Variants in CDKL3 observed in about 807,000 individuals in gnomAD.
CDKL3 encodes cyclin-dependent kinase-like 3.
CDKL3 carries 65 observed loss-of-function variants against 69.3 expected under a neutral mutation model. The ratio of observed to expected loss-of-function variants is 0.94; its 90% CI spans 0.77 to 1.15. The LOEUF (loss-of-function observed/expected upper bound fraction) is 1.15. Ranked by LOEUF, CDKL3 falls within the 50% of genes most tolerant of loss-of-function variation. The pLI, the probability that CDKL3 is intolerant of heterozygous loss-of-function variation, is 0.00. For synonymous variants in CDKL3, 202 were observed against 221.6 expected (o/e 0.91, Z 0.79); for missense variants, 652 against 689.2 (o/e 0.95, Z 0.61).
At chr5:134,315,507 C>T (rs1184151738) in intron 6 of CDKL3, among the ~76,000 whole-genome samples, 1 of 151,946 alleles carries the variant, frequency 6.6e-6, no homozygotes, top group Admixed American at 6.6e-5. Context: ...TTTAGAGACC[C>T]TTTTGTTTAG....
chr5:134,332,210 T>C (rs1348950515), intron 4 of CDKL3, among the ~76,000 whole-genome samples: 8 of 152,214 alleles, frequency 5.3e-5, no homozygotes, highest in Non-Finnish European at 1.2e-4. Flanking sequence ...GTCAGATAGA[T>C]AGATTGCAAA....
chr5:134,350,207 A>G (rs1752924166), intron 4 of CDKL3, 42 bp downstream of exon 4: 2 of 1,428,196 alleles, frequency 1.4e-6, no homozygotes, highest in African/African-American at 1.5e-5. Context: ...ACAAAAAAAG[A>G]GATACCTAGG....
intron 8 of CDKL3, among the ~76,000 whole-genome samples, chr5:134,291,397 G>C (rs1765117151): frequency 1.3e-5 from 2 of 152,212 alleles, no homozygotes; most frequent in East Asian, 3.8e-4. Flanking sequence ...GGTCTAAGAA[G>C]TGAACCCAAA....
chr5:134,308,627 C>T lies in CDKL3; in HGVS notation c.982G>A (p.Glu328Lys), dbSNP rs1435638140. ...SSKENELRKD[E>K]RKTVYTNTLL... ...GTATTGGTATAAACTGTTTTTCTTT[C>T]ATCTTTCCTGAGTTCATTTTCTTTA... The change falls in exon 8 of 13, where the codon GAA (glutamate) becomes AAA (lysine). Residue 328 changes from glutamate to lysine, a missense_variant. Glu to Lys is a moderately conservative substitution (Grantham distance 56). Coordinates refer to ENST00000265334, the MANE Select transcript of CDKL3 (RefSeq NM_001113575.2). 6.2e-7 allele frequency: 1 copy of T among 1,607,526 alleles called. No homozygotes were observed. The highest frequency in any genetic ancestry group is 8.5e-7 in the Non-Finnish European group (1 of 1,178,364).
At chr5:134,344,233 T>C (rs1009631064) in intron 4 of CDKL3, among the ~76,000 whole-genome samples, 1 of 152,174 alleles carries the variant, frequency 6.6e-6, no homozygotes, top group African/African-American at 2.4e-5. Flanking sequence ...TAACCCTGGA[T>C]TTGGCAAACA....
intron 4 of CDKL3, among the ~76,000 whole-genome samples, chr5:134,340,319 G>A (rs1244414026): frequency 2.0e-5 from 3 of 152,030 alleles, no homozygotes; most frequent in Non-Finnish European, 4.4e-5. Context: ...TAAGACACTG[G>A]AAAAAGAAGG....
At chr5:134,361,526 G>A (rs554190457) in intron 2 of CDKL3, among the ~76,000 whole-genome samples, 1 of 152,296 alleles carries the variant, frequency 6.6e-6, no homozygotes, top group East Asian at 1.9e-4. Flanking sequence ...TATAACACCA[G>A]ATTCCTTTCC....
At chr5:134,367,257 G>T (rs760293290), upstream of CDKL3, 225 of 985,268 alleles carry the variant, frequency 2.3e-4, no homozygotes, top group Non-Finnish European at 2.5e-4. Context: ...CTGGGTAGGC[G>T]CAAGGTGGAA....
chr5:134,368,020 C>T (rs553962025), upstream of CDKL3, among the ~76,000 whole-genome samples: 20 of 152,192 alleles, frequency 1.3e-4, no homozygotes, highest in East Asian at 3.7e-3. Context: ...TGTAAAAAAG[C>T]GAAATCTCGC....
intron 3 of CDKL3, among the ~76,000 whole-genome samples, chr5:134,356,728 G>A (rs1754703644): frequency 6.6e-6 from 1 of 152,078 alleles, no homozygotes; most frequent in Non-Finnish European, 1.5e-5. Context: ...AGGTTGCAGT[G>A]AACCAAGATC....
chr5:134,362,248 G>A (rs1225898252), intron 2 of CDKL3, among the ~76,000 whole-genome samples: 1 of 152,064 alleles, frequency 6.6e-6, no homozygotes, highest in African/African-American at 2.4e-5. Flanking sequence ...GGGTCAGGCC[G>A]GTGGCTCACT....
At chr5:134,291,755 C>T (rs1180730995) in intron 8 of CDKL3, among the ~76,000 whole-genome samples, 1 of 147,040 alleles carries the variant, frequency 6.8e-6, no homozygotes, top group Non-Finnish European at 1.5e-5. Flanking sequence ...GCCTGGGTGA[C>T]AGAGCAAGAC....
intron 2 of CDKL3, among the ~76,000 whole-genome samples, 187 bp from the exon 3 acceptor site, chr5:134,360,278 C>T (rs1282973459): frequency 6.6e-6 from 1 of 152,122 alleles, no homozygotes; most frequent in African/African-American, 2.4e-5. Context: ...AATCTTGGCT[C>T]AGTGCAACCT....
intron 2 of CDKL3, 101 bp downstream of exon 2, chr5:134,366,258 T>C (rs1468790392): frequency 3.9e-6 from 3 of 760,032 alleles, no homozygotes; most frequent in African/African-American, 3.6e-5. Flanking sequence ...TGTTTCTCCA[T>C]AATATGAATC....
chr5:134,345,697 T>C (rs914400736), intron 4 of CDKL3, among the ~76,000 whole-genome samples: 4 of 152,134 alleles, frequency 2.6e-5, no homozygotes, highest in African/African-American at 9.7e-5. Context: ...CTTTTGAGCC[T>C]GGATGAGCCA....
At chr5:134,360,202 G>C (rs1755674296) in intron 2 of CDKL3, 111 bp from the exon 3 acceptor site, 3 of 783,360 alleles carry the variant, frequency 3.8e-6, no homozygotes, top group Middle Eastern at 3.8e-4. Context: ...TTTGTTCCAT[G>C]CATTTCTTTT....
chr5:134,366,911 G>A (rs1476895858), intron 1 of CDKL3, 66 bp downstream of exon 1: 15 of 995,898 alleles, frequency 1.5e-5, no homozygotes, highest in Non-Finnish European at 1.8e-5. Context: ...CACTTATCAG[G>A]CCCAAGGTCC....
At chr5:134,337,458 C>T (rs759535155) in intron 4 of CDKL3, among the ~76,000 whole-genome samples, 8 of 152,292 alleles carry the variant, frequency 5.3e-5, no homozygotes, top group Middle Eastern at 3.4e-3. Flanking sequence ...AGCTGTAGAC[C>T]GGAGATATTC....
At chr5:134,332,144 G>GT (rs1175059283) in intron 4 of CDKL3, among the ~76,000 whole-genome samples, 1 of 152,060 alleles carries the variant, frequency 6.6e-6, no homozygotes, top group Non-Finnish European at 1.5e-5. Context: ...TGATGCAGTT[G>GT]TTTTTTTCTT....
Sources: gnomAD v4.1 joint callset for allele counts (sites outside exome capture counted in the v4.1 genomes callset) on GRCh38, gnomAD v4.1.1 for gene constraint, MANE v1.5 for transcripts, NCBI Gene and HGNC (gene_info 2026-07-23, HGNC 2026-07-21) for gene names.